The following ZBTB40 variants were observed in gnomAD, a reference collection of about 807,000 sequenced individuals.
ZBTB40 encodes the protein zinc finger and BTB domain-containing protein 40.
ZBTB40 carries 60 observed loss-of-function variants against 117.5 expected under a neutral mutation model. The ratio of observed to expected loss-of-function variants is 0.51; its 90% CI spans 0.41 to 0.63. The LOEUF is 0.63. Among genes scored for constraint, ZBTB40 ranks in the 30% least tolerant of loss-of-function variants. The pLI is 0.00. For missense variants in ZBTB40, 1,287 were observed against 1,498.5 expected (o/e 0.86, Z 2.33); for synonymous variants, 525 against 577.1 (o/e 0.91, Z 1.29).
intron 10 of ZBTB40, 64 bp downstream of exon 10, chr1:22,511,411 G>A: frequency 1.3e-6 from 2 of 1,594,228 alleles, no homozygotes. Context: ...CTTGAAGAAA[G>A]AGACAGCATT....
At chr1:22,453,474 G>T (rs1398292858) in intron 1 of ZBTB40, among the ~76,000 whole-genome samples, 1 of 152,176 alleles carries the variant, frequency 6.6e-6, no homozygotes, top group Non-Finnish European at 1.5e-5. Context: ...TCTATGTGGG[G>T]CTTGGACAAG....
intron 1 of ZBTB40, among the ~76,000 whole-genome samples, chr1:22,444,318 G>A (rs1366283018): frequency 6.6e-6 from 1 of 152,116 alleles, no homozygotes; most frequent in Non-Finnish European, 1.5e-5. Flanking sequence ...TACTTGGGAG[G>A]CTGAGTCAGG....
chr1:22,434,736 G>A (rs1640648253), intron 1 of ZBTB40, among the ~76,000 whole-genome samples: 1 of 151,858 alleles, frequency 6.6e-6, no homozygotes, highest in African/African-American at 2.4e-5. Flanking sequence ...GTGTATTTCT[G>A]GACTTTCTTT....
At chr1:22,514,617 C>G (rs1430611047) in intron 12 of ZBTB40, among the ~76,000 whole-genome samples, 1 of 152,196 alleles carries the variant, frequency 6.6e-6, no homozygotes, top group Non-Finnish European at 1.5e-5. Context: ...TCACACTTAC[C>G]TTCTCTGTGA....
intron 5 of ZBTB40, among the ~76,000 whole-genome samples, chr1:22,503,240 A>T (rs1638990741): frequency 6.6e-6 from 1 of 151,556 alleles, no homozygotes; most frequent in Non-Finnish European, 1.5e-5. Context: ...AGAGTATAAA[A>T]ATTTTCAAGC....
chr1:22,511,719 G>A lies in ZBTB40; in HGVS notation c.2046G>A (p.Val682=), dbSNP rs1397129212. 4 of 1,607,716 alleles carry A rather than the reference G, an allele frequency of 2.5e-6. No homozygotes were observed. The highest frequency in any genetic ancestry group is 3.4e-6 in the Non-Finnish European group (4 of 1,178,404). The change falls in exon 11 of 18, where the codon GTG becomes GTA. Residue 682 remains valine (V), a synonymous_variant. Transcript: ENST00000375647. ...KEDGEKETWK[V]SNKFHLEANN... is the part of the protein sequence containing the mutation. Reference sequence around the variant, plus strand: ...ATGGAGAGAAGGAAACGTGGAAGGTGAGTAATAAATTTCACCTTGAAGCCA... The same window carrying A: ...ATGGAGAGAAGGAAACGTGGAAGGTAAGTAATAAATTTCACCTTGAAGCCA...
At chr1:22,430,047 T>C (rs1160368776) in intron 1 of ZBTB40, among the ~76,000 whole-genome samples, 1 of 152,238 alleles carries the variant, frequency 6.6e-6, no homozygotes, top group Non-Finnish European at 1.5e-5. Context: ...GATAAAGTTC[T>C]TTTATCTAAG....
chr1:22,509,343 T>C, intron 9 of ZBTB40, 110 bp downstream of exon 9: 1 of 1,479,376 alleles, frequency 6.8e-7, no homozygotes, highest in Admixed American at 1.8e-5. Flanking sequence ...TTTTCCTTCT[T>C]TTTTTTTCCT....
At chr1:22,522,757 T>G (rs1639567137) in intron 16 of ZBTB40, among the ~76,000 whole-genome samples, 1 of 144,330 alleles carries the variant, frequency 6.9e-6, no homozygotes. Context: ...AGTTATAAGA[T>G]ATACCATTTT....
intron 12 of ZBTB40, among the ~76,000 whole-genome samples, chr1:22,516,432 G>A (rs1639374638): frequency 6.6e-6 from 1 of 150,952 alleles, no homozygotes; most frequent in Non-Finnish European, 1.5e-5. Context: ...ACTACAGGAG[G>A]CATCCATTAC....
chr1:22,493,246 T>C (rs1238184339), intron 3 of ZBTB40, among the ~76,000 whole-genome samples: 1 of 152,226 alleles, frequency 6.6e-6, no homozygotes, highest in African/African-American at 2.4e-5. Context: ...AGGCTTATGT[T>C]ATTTCTTCCT....
intron 1 of ZBTB40, among the ~76,000 whole-genome samples, chr1:22,437,384 T>G (rs1211383771): frequency 1.3e-5 from 2 of 151,906 alleles, no homozygotes; most frequent in African/African-American, 2.4e-5. Context: ...TTTTTTTCGA[T>G]TTTTTTATTG....
In ZBTB40 at chr1:22,520,144, C is replaced by T; in HGVS notation, c.2917C>T (p.His973Tyr). ...QDHRKHIHEV[H>Y]SKEYHPCPTC... ...TCACCGGAAGCACATCCATGAGGTG[C>T]ACTCCAAAGAGTACCACCCCTGCCC... The change falls in exon 14 of 18, where the codon CAC becomes TAC. Residue 973 changes from histidine (H) to tyrosine (Y), a missense_variant. By Grantham distance (83) the His-to-Tyr change is moderately conservative. This residue lies in a region of ZBTB40 where 417 missense variants were observed against 564.1 expected (regional missense o/e 0.74). Transcript: ENST00000375647. 1 of 1,614,220 alleles carries T rather than the reference C, an allele frequency of 6.2e-7. No homozygotes were observed. Among genetic ancestry groups the T allele is most frequent in the Non-Finnish European group, 8.5e-7 (1 of 1,180,038 alleles).
chr1:22,513,269 T>C lies in ZBTB40; in HGVS notation c.2668+139T>C. On this transcript the variant is annotated intron_variant, in intron 12 of 17. Transcript: ENST00000375647. This position sits in a 1 kb window ranked among gnomAD's most constrained non-coding sequence, Gnocchi z 4.9. ...AGGGTGACTAAAGTCAATAATAACT[T>C]AATTGTACATTTTAAATACAGTGTA... The C allele has an allele frequency of 1.1e-6, 1 of 910,110 alleles. No individual in the cohort carries two copies. Among genetic ancestry groups the C allele is most frequent in the Non-Finnish European group, 1.7e-6 (1 of 581,632 alleles). The allele number at this position is 910,110 out of a possible 1,614,324, so 56.4% of individuals were successfully genotyped here.
rs571857729 is a variant in ZBTB40 at position 22,529,562 on chromosome 1, C to G, written c.*3166C>G. ...AGGATTACTGCGGGAAGGTGAGACT[C>G]CTACTGTCCACGCGCATGAGCAGAA... On this transcript the variant is annotated 3_prime_UTR_variant, in exon 18 of 18. Coordinates refer to ENST00000375647, the MANE Select transcript of ZBTB40 (RefSeq NM_014870.4). 6.6e-6 allele frequency: 1 copy of G among 152,506 alleles called. No homozygotes were observed. Among genetic ancestry groups the G allele is most frequent in the South Asian group, 2.1e-4 (1 of 4,824 alleles). 9.4% of individuals were successfully genotyped at this position (152,506 alleles called of 1,614,324 possible).
At chr1:22,490,888 CGTTTT>C (rs995137481) in intron 2 of ZBTB40, among the ~76,000 whole-genome samples, 12 of 152,008 alleles carry the variant, frequency 7.9e-5, no homozygotes, top group East Asian at 3.9e-4. Context: ...TTATCTGTTT[CGTTTT>C]GTTTTGTTTT....
chr1:22,524,144 C>T, intron 16 of ZBTB40, 74 bp from the exon 17 acceptor site: 1 of 1,412,586 alleles, frequency 7.1e-7, no homozygotes, highest in East Asian at 2.4e-5. Context: ...CTCATGTCTT[C>T]CTGCCCTCAT....
At chr1:22,506,393 C>T (rs547787917) in intron 6 of ZBTB40, 152 bp downstream of exon 6, 12 of 850,432 alleles carry the variant, frequency 1.4e-5, no homozygotes, top group African/African-American at 5.1e-5. Context: ...CGATAATTCT[C>T]GATCTCTCTG....
At chr1:22,481,764 G>C (rs571616514) in intron 1 of ZBTB40, among the ~76,000 whole-genome samples, 1 of 102,910 alleles carries the variant, frequency 9.7e-6, no homozygotes, top group Non-Finnish European at 1.7e-5. Context: ...ACTGTAATCC[G>C]TAAGACTTAT....
Sources: allele counts gnomAD v4.1 joint callset (sites outside exome capture counted in the v4.1 genomes callset), GRCh38; gene constraint gnomAD v4.1.1; regional missense constraint gnomAD v4.1.1; non-coding constraint Gnocchi (gnomAD v3.1); transcripts MANE v1.5; gene names NCBI Gene and HGNC (gene_info 2026-07-23, HGNC 2026-07-21).